NUP153: variants seen among roughly 807,000 people sequenced by gnomAD.
NUP153 encodes the protein nucleoporin 153.
In NUP153, 27 loss-of-function variants were observed where a neutral mutation model predicts 134.6. The ratio of observed to expected loss-of-function variants is 0.20; its 90% CI spans 0.15 to 0.28. NUP153 has a LOEUF of 0.28. Ranked by LOEUF, NUP153 falls within the 10% of genes least tolerant of loss-of-function variation. The pLI is 1.00. For synonymous variants in NUP153, 640 were observed against 623.5 expected (o/e 1.03, Z -0.40); for missense variants, 1,821 against 1,731.3 (o/e 1.05, Z -0.92).
intron 18 of NUP153, among the ~76,000 whole-genome samples, 198 bp from the exon 19 acceptor site, chr6:17,626,362 T>C (rs1351980165): frequency 6.6e-6 from 1 of 152,226 alleles, no homozygotes; most frequent in East Asian, 1.9e-4. Context: ...TCTTCTTTTA[T>C]AGCTTATGGA....
At chr6:17,661,232 T>C (rs548303258) in intron 11 of NUP153, among the ~76,000 whole-genome samples, 1 of 152,238 alleles carries the variant, frequency 6.6e-6, no homozygotes, top group East Asian at 1.9e-4. Context: ...AGGAATTGCT[T>C]GAACCCAGGA....
chr6:17,705,984 G>A (rs1417525340), intron 1 of NUP153, among the ~76,000 whole-genome samples: 2 of 152,114 alleles, frequency 1.3e-5, no homozygotes, highest in Non-Finnish European at 2.9e-5. Flanking sequence ...AGAAACGCGC[G>A]CATCATGGGC....
chr6:17,683,205 C>G (rs1281107560), intron 2 of NUP153, among the ~76,000 whole-genome samples: 1 of 152,062 alleles, frequency 6.6e-6, no homozygotes, highest in Non-Finnish European at 1.5e-5. Flanking sequence ...TTTTTCTCCC[C>G]CAAATTAGCC....
intron 11 of NUP153, among the ~76,000 whole-genome samples, chr6:17,651,678 C>T (rs1402742821): frequency 6.6e-6 from 1 of 151,814 alleles, no homozygotes; most frequent in East Asian, 1.9e-4. Context: ...GATTTCAAGA[C>T]AAAAAATATT....
At chr6:17,631,139 A>C (rs545120205) in intron 17 of NUP153, among the ~76,000 whole-genome samples, 137 of 152,318 alleles carry the variant, frequency 9.0e-4, no homozygotes, top group Admixed American at 1.5e-3. Context: ...AGCAGGCTGC[A>C]ACCAGCACTT....
intron 11 of NUP153, among the ~76,000 whole-genome samples, chr6:17,658,710 T>G (rs77079186): frequency 6.6e-6 from 1 of 152,128 alleles, no homozygotes; most frequent in South Asian, 2.1e-4. Context: ...AGTGAAAATT[T>G]AAAAAATTGT....
intron 20 of NUP153, among the ~76,000 whole-genome samples, chr6:17,617,127 TTTAATC>T (rs1453054790): frequency 6.6e-6 from 1 of 152,214 alleles, no homozygotes; most frequent in African/African-American, 2.4e-5. Flanking sequence ...ATTCTGGTCT[TTTAATC>T]TAAAGAAAAC....
rs1257615025 is a variant in NUP153, at chr6:17,675,820, C to T, written c.335-50G>A. The stretch of plus-strand genomic sequence containing the variant: ...TGAATATACAACTTAGAGCGATACA[C>T]TACCACAAATGGTTTTTACTTTAAG... On this transcript the variant is annotated intron_variant, in intron 2 of 21. Coordinates refer to ENST00000262077, the MANE Select transcript of NUP153 (RefSeq NM_005124.4). The surrounding 1 kb of genome is among the most constrained non-coding windows in gnomAD (Gnocchi z 4.4). 1.2e-5 allele frequency: 19 copies of T among 1,559,340 alleles called. No individual in the cohort carries two copies. Among genetic ancestry groups the T allele is most frequent in the African/African-American group, 4.1e-5 (3 of 73,648 alleles).
At chr6:17,647,785 C>G in intron 13 of NUP153, 22 bp downstream of exon 13, 2 of 1,353,770 alleles carry the variant, frequency 1.5e-6, no homozygotes, top group South Asian at 1.2e-5. Flanking sequence ...TAAATATATA[C>G]TATTCCTTGC....
intron 11 of NUP153, among the ~76,000 whole-genome samples, chr6:17,655,700 G>T (rs986050731): frequency 6.6e-6 from 1 of 151,592 alleles, no homozygotes; most frequent in South Asian, 2.1e-4. Flanking sequence ...GTGATCTGCC[G>T]GCCTCAGCCT....
chr6:17,686,965 C>T (rs1269183624), intron 2 of NUP153, among the ~76,000 whole-genome samples: 1 of 151,686 alleles, frequency 6.6e-6, no homozygotes, highest in Non-Finnish European at 1.5e-5. Context: ...TAAAAATTTT[C>T]CATAATAAAG....
chr6:17,653,159 G>A (rs1320137860), intron 11 of NUP153, among the ~76,000 whole-genome samples: 4 of 152,252 alleles, frequency 2.6e-5, no homozygotes, highest in African/African-American at 7.2e-5. Context: ...AGGCTGACAC[G>A]GGAGAGTTGC....
intron 8 of NUP153, among the ~76,000 whole-genome samples, chr6:17,668,069 C>CTTTTTTTT (rs762142682): frequency 3.4e-5 from 3 of 87,236 alleles, no homozygotes; most frequent in South Asian, 4.5e-4. Flanking sequence ...GTTTACTGAA[C>CTTTTTTTT]TTTTTTTTTT....
At chr6:17,658,766 C>T (rs1190873587) in intron 11 of NUP153, among the ~76,000 whole-genome samples, 1 of 152,266 alleles carries the variant, frequency 6.6e-6, no homozygotes, top group East Asian at 1.9e-4. Flanking sequence ...CAAACCATTT[C>T]TCAGATTGAG....
At chr6:17,632,337 A>G (rs921401682) in intron 17 of NUP153, among the ~76,000 whole-genome samples, 7 of 151,348 alleles carry the variant, frequency 4.6e-5, no homozygotes, top group African/African-American at 1.7e-4. Context: ...ACAAACAAAC[A>G]AAAAAACAAA....
rs78464598 is a variant in NUP153, at chr6:17,675,889, G to A, written c.335-119C>T. ...TAATAGCTTCAATTCAAATCACTGG[G>A]GCATCCCATAATAAGCCCAATATAA... On this transcript the variant is annotated intron_variant, in intron 2 of 21. Coordinates refer to ENST00000262077, the MANE Select transcript of NUP153 (RefSeq NM_005124.4). The surrounding 1 kb of genome is among the most constrained non-coding windows in gnomAD (Gnocchi z 4.4). The A allele has an allele frequency of 0.026, 24,297 of 945,150 alleles. 2,017 individuals carry two copies. In the East Asian group the frequency reaches 0.28, roughly 11 times the overall value. The allele number at this position is 945,150 out of a possible 1,614,324, so 58.5% of individuals were successfully genotyped here. A position where few individuals can be genotyped will look rare whatever the true frequency, so the allele number is the denominator to read the frequency against.
chr6:17,657,615 G>A (rs958768958), intron 11 of NUP153, among the ~76,000 whole-genome samples: 2 of 152,116 alleles, frequency 1.3e-5, no homozygotes, highest in East Asian at 3.9e-4. Flanking sequence ...TGCTCATCAG[G>A]CAGTAAGGGA....
At chr6:17,674,706 G>A (rs1768112762) in intron 5 of NUP153, among the ~76,000 whole-genome samples, 199 bp downstream of exon 5, 1 of 152,114 alleles carries the variant, frequency 6.6e-6, no homozygotes, top group Non-Finnish European at 1.5e-5. Flanking sequence ...GGAGACGGAG[G>A]TTGCAGTGTG....
intron 20 of NUP153, chr6:17,619,418 A>C (rs1473185366): frequency 6.6e-6 from 1 of 152,230 alleles, no homozygotes; most frequent in Non-Finnish European, 1.5e-5. Flanking sequence ...CGAAGCTAAA[A>C]GGAATCTCCA....
Sources: allele counts gnomAD v4.1 joint callset (sites outside exome capture counted in the v4.1 genomes callset), GRCh38; gene constraint gnomAD v4.1.1; non-coding constraint Gnocchi (gnomAD v3.1); transcripts MANE v1.5; gene names NCBI Gene and HGNC (gene_info 2026-07-23, HGNC 2026-07-21).